The following CLIC4 variants were observed in gnomAD, a reference collection of about 807,000 sequenced individuals.
CLIC4 encodes chloride intracellular channel protein 4.
Under a neutral mutation model 24.6 loss-of-function variants are expected in CLIC4, and 13 were observed. That is an observed-to-expected ratio of 0.53 (90% confidence interval 0.34 to 0.84). The LOEUF (loss-of-function observed/expected upper bound fraction) is 0.84, where lower values mean the gene tolerates loss of function less well. CLIC4 is among the 40% of genes least tolerant of loss of function. CLIC4 has a pLI of 0.01. For missense variants in CLIC4, 227 were observed against 301.7 expected, an observed-to-expected ratio of 0.75 and a Z score of 1.83; for synonymous variants, 104 against 111.3, an observed-to-expected ratio of 0.93 and a Z score of 0.41.
chr1:24,802,711 CTTTTTTTTTTTTT>C (rs535381018), intron 2 of CLIC4, among the ~76,000 whole-genome samples: 1 of 136,940 alleles, frequency 7.3e-6, no homozygotes, highest in Admixed American at 7.3e-5. Context: ...TTTTCTTTTT[CTTTTTTTTTTTTT>C]TTTGAGACAC....
At chr1:24,824,380 G>A (rs148220897) in intron 3 of CLIC4, among the ~76,000 whole-genome samples, 40 of 152,190 alleles carry the variant, frequency 2.6e-4, no homozygotes, top group African/African-American at 8.7e-4. Flanking sequence ...CAATTCTCCT[G>A]CCTCAGACTC....
chr1:24,778,544 AT>A (rs1199377278), intron 1 of CLIC4, among the ~76,000 whole-genome samples: 4 of 151,746 alleles, frequency 2.6e-5, no homozygotes, highest in African/African-American at 9.7e-5. Flanking sequence ...TCTTTCTTTC[AT>A]TTGTTGTCAT....
intron 1 of CLIC4, among the ~76,000 whole-genome samples, chr1:24,796,009 C>T (rs1381408030): frequency 6.6e-6 from 1 of 152,148 alleles, no homozygotes; most frequent in Non-Finnish European, 1.5e-5. Flanking sequence ...ACAGACTTTG[C>T]CTTTGCCCTG....
rs1359382736 is a variant in CLIC4 at position 24,820,581 on chromosome 1, G to A, written c.308+6362G>A. The stretch of plus-strand genomic sequence containing the variant: ...GACTGGTCCCTTTTTAGTCTTAAAA[G>A]TGTCAGCTCAGAGGTAGGTTCCATA... On this transcript the variant is annotated intron_variant, in intron 3 of 5. Coordinates refer to ENST00000374379, the MANE Select transcript of CLIC4 (RefSeq NM_013943.3). Among the ~76,000 whole-genome samples the A allele has an allele frequency of 2.6e-5, 4 of 152,074 alleles. No individual in the cohort carries two copies. The East Asian group carries it at 7.7e-4, about 29-fold the overall frequency.
rs537616943 is a variant in CLIC4 at position 24,817,297 on chromosome 1, T to A, written c.308+3078T>A. 2.0e-5 allele frequency among the ~76,000 whole-genome samples: 3 copies of A among 152,374 alleles called. No homozygotes were observed. In the South Asian group the frequency reaches 6.2e-4, roughly 32 times the overall value. ...TCTTCTAGATAGATCAGCTAGATCTTCTAGATAGATCAGCTAGATCTTCTA... is the reference window on the plus strand; with the variant it reads ...TCTTCTAGATAGATCAGCTAGATCTACTAGATAGATCAGCTAGATCTTCTA... On this transcript the variant is annotated intron_variant, in intron 3 of 5. Transcript: ENST00000374379.
chr1:24,810,000 C>T (rs546291081), intron 2 of CLIC4, among the ~76,000 whole-genome samples: 3 of 152,280 alleles, frequency 2.0e-5, no homozygotes, highest in African/African-American at 7.2e-5. Flanking sequence ...TCTCCGTAAA[C>T]CCAATTCAGT....
At chr1:24,772,217 T>C (rs935409584) in intron 1 of CLIC4, among the ~76,000 whole-genome samples, 5 of 152,144 alleles carry the variant, frequency 3.3e-5, no homozygotes, top group Non-Finnish European at 2.9e-5. Flanking sequence ...GTTTGTTGTA[T>C]CTAAAATAAA....
chr1:24,798,649 G>A (rs1639433795), intron 2 of CLIC4, among the ~76,000 whole-genome samples: 2 of 152,040 alleles, frequency 1.3e-5, no homozygotes, highest in South Asian at 2.1e-4. Context: ...CTCTCCCCAC[G>A]GTGTCCCTCT....
Position 24,842,219 on chromosome 1 carries a change from C to T in CLIC4, c.*1282C>T, listed in dbSNP as rs906150879. The T allele has an allele frequency of 5.9e-5, 9 of 151,862 alleles. No homozygotes were observed. Among genetic ancestry groups the T allele is most frequent in the Admixed American group, 2.0e-4 (3 of 15,228 alleles). 9.4% of individuals were successfully genotyped at this position (151,862 alleles called of 1,614,324 possible). On this transcript the variant is annotated 3_prime_UTR_variant, in exon 6 of 6. Transcript: ENST00000374379. Reference sequence around the variant, plus strand: ...CTCTGCATGTTTTTGTTTTGTTTTTCGGGGTTTTTTTTAATTGAAGCCCTA... The same window carrying T: ...CTCTGCATGTTTTTGTTTTGTTTTTTGGGGTTTTTTTTAATTGAAGCCCTA...
intron 1 of CLIC4, among the ~76,000 whole-genome samples, chr1:24,784,736 CAT>C (rs766799540): frequency 2.0e-5 from 3 of 152,116 alleles, no homozygotes; most frequent in Non-Finnish European, 4.4e-5. Flanking sequence ...GAGCTGGACA[CAT>C]AGTAATTCTG....
chr1:24,759,267 C>T (rs1051330530), intron 1 of CLIC4, among the ~76,000 whole-genome samples: 1 of 152,160 alleles, frequency 6.6e-6, no homozygotes, highest in Non-Finnish European at 1.5e-5. Context: ...AACAGTTGAG[C>T]ACAGTATAGG....
chr1:24,797,870 T>C lies in CLIC4; in HGVS notation c.182+19T>C. ...TGAAAAGGTAAGACATGGTCGCAGT[T>C]TGCAATCAACTTAAGCTGAACTATC... On this transcript the variant is annotated intron_variant, in intron 2 of 5. Transcript: ENST00000374379. 6.5e-7 allele frequency: 1 copy of C among 1,545,084 alleles called. No individual in the cohort carries two copies. Among genetic ancestry groups the C allele is most frequent in the Non-Finnish European group, 8.9e-7 (1 of 1,121,058 alleles).
intron 1 of CLIC4, among the ~76,000 whole-genome samples, chr1:24,760,453 G>A (rs1638913821): frequency 6.6e-6 from 1 of 152,026 alleles, no homozygotes. Flanking sequence ...CTTTGATCTG[G>A]CATTGATCTA....
intron 4 of CLIC4, among the ~76,000 whole-genome samples, chr1:24,831,599 C>G (rs1187290353): frequency 6.6e-6 from 1 of 152,096 alleles, no homozygotes; most frequent in African/African-American, 2.4e-5. Flanking sequence ...TCCTTGTACT[C>G]TAATATGTTC....
chr1:24,783,622 G>A (rs1016739066), intron 1 of CLIC4, among the ~76,000 whole-genome samples: 1 of 152,162 alleles, frequency 6.6e-6, no homozygotes, highest in Non-Finnish European at 1.5e-5. Context: ...AGACTCACTT[G>A]AACCCAGTGG....
chr1:24,815,009 G>A (rs1406745805), intron 3 of CLIC4, among the ~76,000 whole-genome samples: 1 of 152,108 alleles, frequency 6.6e-6, no homozygotes, highest in East Asian at 1.9e-4. Flanking sequence ...ACCCTGAAGG[G>A]TATGGTTCCA....
chr1:24,788,918 A>G (rs991342700), intron 1 of CLIC4, among the ~76,000 whole-genome samples: 1 of 152,216 alleles, frequency 6.6e-6, no homozygotes, highest in Non-Finnish European at 1.5e-5. Flanking sequence ...TTACTGCTCT[A>G]CTATAAACAC....
chr1:24,797,920 C>A, intron 2 of CLIC4, 69 bp downstream of exon 2: 1 of 1,007,316 alleles, frequency 9.9e-7, no homozygotes, highest in South Asian at 1.4e-5. Flanking sequence ...CTATTTTCAC[C>A]TTGATGGCAC....
intron 1 of CLIC4, among the ~76,000 whole-genome samples, chr1:24,754,720 G>A (rs1381412733): frequency 6.6e-6 from 1 of 151,888 alleles, no homozygotes; most frequent in Non-Finnish European, 1.5e-5. Flanking sequence ...TGTCTATTTC[G>A]AGACTTGCCT....
Sources: gnomAD v4.1 joint callset for allele counts (sites outside exome capture counted in the v4.1 genomes callset) on GRCh38, gnomAD v4.1.1 for gene constraint, MANE v1.5 for transcripts, NCBI Gene and HGNC (gene_info 2026-07-23, HGNC 2026-07-21) for gene names.